The following AGBL4 variants were observed in gnomAD, a reference collection of about 807,000 sequenced individuals.
The protein encoded by AGBL4 is AGBL carboxypeptidase 4.
AGBL4 carries 58 observed loss-of-function variants against 66.4 expected under a neutral mutation model. That is an observed-to-expected ratio of 0.87 (90% CI 0.71 to 1.09). The LOEUF (loss-of-function observed/expected upper bound fraction) is 1.09. Among genes scored for constraint, AGBL4 ranks in the 50% least tolerant of loss-of-function variants. AGBL4 has a pLI of 0.00. For synonymous variants in AGBL4, 234 were observed against 222.9 expected (o/e 1.05, Z -0.44); for missense variants, 579 against 631.0 (o/e 0.92, Z 0.88).
intron 3 of AGBL4, among the ~76,000 whole-genome samples, chr1:49,376,525 G>T (rs1376612056): frequency 6.6e-6 from 1 of 151,994 alleles, no homozygotes; most frequent in Non-Finnish European, 1.5e-5. Context: ...TTCAGTATTT[G>T]GGGTGGAAAC....
chr1:49,322,677 C>T (rs1288287734), intron 3 of AGBL4, among the ~76,000 whole-genome samples: 1 of 152,164 alleles, frequency 6.6e-6, no homozygotes, highest in Non-Finnish European at 1.5e-5. Context: ...CTTGGAGCCA[C>T]CAGAGGCTGG....
intron 1 of AGBL4, among the ~76,000 whole-genome samples, chr1:49,882,784 G>A (rs1456954501): frequency 1.3e-5 from 2 of 152,104 alleles, no homozygotes; most frequent in Non-Finnish European, 2.9e-5. Flanking sequence ...CTATTCTGTT[G>A]AAGTGGTTAT....
At chr1:48,531,136 A>T (rs1196826899), downstream of AGBL4, among the ~76,000 whole-genome samples, 2 of 152,048 alleles carry the variant, frequency 1.3e-5, no homozygotes, top group African/African-American at 4.8e-5. Flanking sequence ...CTGCTCTGCC[A>T]ATGTGGAAAA....
At chr1:48,858,601 A>G (rs1441336844) in intron 6 of AGBL4, among the ~76,000 whole-genome samples, 1 of 152,222 alleles carries the variant, frequency 6.6e-6, no homozygotes, top group Non-Finnish European at 1.5e-5. Context: ...GTATGATTTG[A>G]TTTATATAAA....
chr1:48,926,127 C>A (rs1654538780), intron 5 of AGBL4, among the ~76,000 whole-genome samples: 1 of 152,094 alleles, frequency 6.6e-6, no homozygotes, highest in Non-Finnish European at 1.5e-5. Context: ...TCACAATATT[C>A]TATTCAAAAC....
intron 2 of AGBL4, among the ~76,000 whole-genome samples, chr1:49,725,363 C>G (rs1170443195): frequency 6.6e-6 from 1 of 152,160 alleles, no homozygotes; most frequent in East Asian, 1.9e-4. Flanking sequence ...GAATATGTAT[C>G]TGCAAGCTAA....
intron 3 of AGBL4, among the ~76,000 whole-genome samples, chr1:49,603,575 CAAAT>C (rs1333971969): frequency 3.6e-5 from 5 of 139,898 alleles, no homozygotes; most frequent in South Asian, 2.2e-4. Context: ...AATAAATAAA[CAAAT>C]AAATAGAAAG....
intron 9 of AGBL4, among the ~76,000 whole-genome samples, chr1:48,631,723 A>T (rs1645597194): frequency 1.3e-5 from 2 of 152,124 alleles, no homozygotes. Context: ...CAGAGTGTAC[A>T]ATTTATCATC....
At chr1:49,544,080 C>T (rs1308263229) in intron 3 of AGBL4, among the ~76,000 whole-genome samples, 1 of 152,188 alleles carries the variant, frequency 6.6e-6, no homozygotes, top group Non-Finnish European at 1.5e-5. Flanking sequence ...TCTCTACATA[C>T]AATGACTCAG....
chr1:49,128,677 C>A (rs917580134), intron 4 of AGBL4, among the ~76,000 whole-genome samples: 5 of 151,856 alleles, frequency 3.3e-5, no homozygotes, highest in Admixed American at 2.0e-4. Context: ...AAAAAATAAA[C>A]CTGGACAATA....
chr1:49,207,734 G>T (rs1648353725), intron 4 of AGBL4, among the ~76,000 whole-genome samples: 1 of 150,858 alleles, frequency 6.6e-6, no homozygotes, highest in Admixed American at 6.6e-5. Context: ...TGATATTATA[G>T]CACATACCAC....
At chr1:49,694,332 AAAAC>A (rs1646944186) in intron 3 of AGBL4, among the ~76,000 whole-genome samples, 1 of 152,140 alleles carries the variant, frequency 6.6e-6, no homozygotes, top group African/African-American at 2.4e-5. Flanking sequence ...GACTACCATG[AAAAC>A]AAACATCCTG....
intron 1 of AGBL4, among the ~76,000 whole-genome samples, chr1:49,877,562 A>G (rs1335744369): frequency 6.6e-6 from 1 of 151,946 alleles, no homozygotes; most frequent in East Asian, 1.9e-4. Context: ...TCGGTTTGCC[A>G]GTATTTTATT....
intron 5 of AGBL4, among the ~76,000 whole-genome samples, chr1:48,995,087 A>G (rs1471261396): frequency 1.3e-5 from 2 of 152,190 alleles, no homozygotes; most frequent in Admixed American, 6.5e-5. Context: ...TACTACATAA[A>G]CTGGTGGCTG....
chr1:48,940,909 A>G lies in AGBL4; in HGVS notation c.595-73679T>C, dbSNP rs551268006. On this transcript the variant is annotated intron_variant, in intron 5 of 13. Transcript: ENST00000371839. ...TTGTGGTGAGCAAAAATCAAAACCA[A>G]AACTTAACATTTGAACCTTTTCAGG... Among the ~76,000 whole-genome samples the G allele has an allele frequency of 4.6e-5, 7 of 152,344 alleles. No individual in the cohort carries two copies. The East Asian group carries it at 1.2e-3, about 25-fold the overall frequency.
At chr1:49,496,672 G>A (rs1647606972) in intron 3 of AGBL4, among the ~76,000 whole-genome samples, 1 of 146,678 alleles carries the variant, frequency 6.8e-6, no homozygotes, top group African/African-American at 2.5e-5. Flanking sequence ...ATGTCCTCAA[G>A]GTCCATCCAT....
chr1:48,730,355 G>A (rs569788668), intron 6 of AGBL4, among the ~76,000 whole-genome samples: 39 of 152,284 alleles, frequency 2.6e-4, no homozygotes, highest in African/African-American at 9.1e-4. Flanking sequence ...CCTAGATGCT[G>A]TGCAACCTCT....
chr1:49,950,009 T>TACACACAC lies in AGBL4; in HGVS notation c.34+73746_34+73753dup, dbSNP rs371624252. Among the ~76,000 whole-genome samples the TACACACAC allele has an allele frequency of 1.8e-4, 18 of 102,842 alleles. No homozygotes were observed. In the South Asian group the frequency reaches 4.3e-3, roughly 24 times the overall value. The allele number at this position is 102,842 out of a possible 152,430, so 67.5% of individuals were successfully genotyped here. On this transcript the variant is annotated intron_variant, in intron 1 of 13. Coordinates refer to ENST00000371839, the MANE Select transcript of AGBL4 (RefSeq NM_032785.4). ...GTATATATATATGTGTATATATATATACACACACATATGTGTGTGTGTGTA... is the reference window on the plus strand; with the variant it reads ...GTATATATATATGTGTATATATATATACACACACACACACACATATGTGTGTGTGTGTA...
chr1:49,504,523 T>C (rs1198055856), intron 3 of AGBL4, among the ~76,000 whole-genome samples: 1 of 152,082 alleles, frequency 6.6e-6, no homozygotes, highest in Non-Finnish European at 1.5e-5. Context: ...GATGCTCCAA[T>C]TTTGGGGTGC....
Sources: gnomAD v4.1 joint callset for allele counts (sites outside exome capture counted in the v4.1 genomes callset) on GRCh38, gnomAD v4.1.1 for gene constraint, MANE v1.5 for transcripts, NCBI Gene and HGNC (gene_info 2026-07-23, HGNC 2026-07-21) for gene names.